Variants in SLC35F4 observed in about 807,000 individuals in gnomAD.
SLC35F4 encodes the protein solute carrier family 35 member F4.
A neutral mutation model predicts 44.2 loss-of-function variants in SLC35F4; 24 were observed. That is an observed-to-expected ratio of 0.54 (90% CI 0.39 to 0.76). The LOEUF is 0.76. Ranked by LOEUF, SLC35F4 falls within the 30% of genes least tolerant of loss-of-function variation. The pLI is 0.00. For synonymous variants in SLC35F4, 238 were observed against 223.6 expected, an observed-to-expected ratio of 1.06 and a Z score of -0.57; for missense variants, 562 against 586.1, an observed-to-expected ratio of 0.96 and a Z score of 0.42.
At chr14:57,650,135 G>T (rs1277059164) in intron 1 of SLC35F4, among the ~76,000 whole-genome samples, 1 of 151,978 alleles carries the variant, frequency 6.6e-6, no homozygotes, top group African/African-American at 2.4e-5. Context: ...CCCGAGGTCT[G>T]GTCCAGGGTC....
At chr14:57,833,174 TATC>T (rs1884557711) in intron 1 of SLC35F4, among the ~76,000 whole-genome samples, 1 of 152,210 alleles carries the variant, frequency 6.6e-6, no homozygotes, top group Admixed American at 6.5e-5. Context: ...TCATCCTTGT[TATC>T]ATCTAATCGC....
intron 1 of SLC35F4, among the ~76,000 whole-genome samples, chr14:57,721,080 T>C (rs2076077018): frequency 1.4e-5 from 2 of 145,152 alleles, no homozygotes; most frequent in African/African-American, 5.0e-5. Flanking sequence ...TAGAGAACCA[T>C]GAGTAATACA....
chr14:57,923,546 T>C lies in SLC35F4; in HGVS notation n.282+58367A>G, dbSNP rs569652420. ...ATAGCTGAAGTCCCTGTCTCAACTT[T>C]CTTGAAATCTATGAAGGAAATCCAA... On this transcript the variant is annotated intron_variant and non_coding_transcript_variant, in intron 1 of 1. Coordinates refer to the SLC35F4 transcript ENST00000556568. Among the ~76,000 whole-genome samples the C allele has an allele frequency of 5.9e-5, 9 of 152,336 alleles. No homozygotes were observed. The South Asian group carries it at 1.9e-3, about 32-fold the overall frequency.
chr14:57,668,286 T>C (rs1328378962), intron 1 of SLC35F4, among the ~76,000 whole-genome samples: 3 of 150,814 alleles, frequency 2.0e-5, no homozygotes, highest in Non-Finnish European at 1.5e-5. Context: ...AGGTTGCCTG[T>C]TCACTCTGAT....
At chr14:57,858,932 C>CT (rs34217010) in intron 1 of SLC35F4, among the ~76,000 whole-genome samples, 5,492 of 137,600 alleles carry the variant, frequency 0.04, 288 homozygotes, top group African/African-American at 0.12. Context: ...AACCTGATCT[C>CT]TAAAAAAAAA....
chr14:57,730,705 T>A (rs767894021), intron 1 of SLC35F4, among the ~76,000 whole-genome samples: 2 of 152,168 alleles, frequency 1.3e-5, no homozygotes, highest in Admixed American at 6.5e-5. Context: ...AGCAATACAG[T>A]GTGCATTATT....
At chr14:57,759,873 TTTGC>T (rs780167936) in intron 1 of SLC35F4, among the ~76,000 whole-genome samples, 10 of 138,032 alleles carry the variant, frequency 7.2e-5, no homozygotes, top group African/African-American at 1.2e-4. Flanking sequence ...TTGCTCTTTC[TTTGC>T]TTGTTTTTTT....
intron 1 of SLC35F4, among the ~76,000 whole-genome samples, chr14:57,715,087 T>G (rs756509388): frequency 6.6e-6 from 1 of 151,916 alleles, no homozygotes; most frequent in Admixed American, 6.6e-5. Flanking sequence ...CGAGTAAAGA[T>G]GGAAATGATT....
At chr14:57,965,271 C>T (rs1890417137) in intron 1 of SLC35F4, among the ~76,000 whole-genome samples, 1 of 152,112 alleles carries the variant, frequency 6.6e-6, no homozygotes, top group African/African-American at 2.4e-5. Context: ...GTTCCTTCCT[C>T]CAAATCTTCA....
chr14:57,922,330 C>T (rs982527401), intron 1 of SLC35F4, among the ~76,000 whole-genome samples: 4 of 152,198 alleles, frequency 2.6e-5, no homozygotes, highest in Non-Finnish European at 5.9e-5. Context: ...CATATCACTA[C>T]TTTCCCCTTC....
chr14:57,661,241 T>A lies in SLC35F4; in HGVS notation c.104-67117A>T, dbSNP rs1349176389. Among the ~76,000 whole-genome samples the A allele has an allele frequency of 2.6e-5, 4 of 152,212 alleles. No individual in the cohort carries two copies. In the East Asian group the frequency reaches 5.8e-4, roughly 22 times the overall value. On this transcript the variant is annotated intron_variant, in intron 1 of 7. Coordinates refer to ENST00000556826, the MANE Select transcript of SLC35F4 (RefSeq NM_001306087.2). The stretch of plus-strand genomic sequence containing the variant: ...TCACCTCCAAATTAATCAAGAGTTG[T>A]GGGGCACACAACTAATCATTGGTAT...
intron 1 of SLC35F4, among the ~76,000 whole-genome samples, chr14:57,662,552 G>A (rs2074171604): frequency 6.6e-6 from 1 of 152,046 alleles, no homozygotes; most frequent in Non-Finnish European, 1.5e-5. Flanking sequence ...ACTTCCCTTT[G>A]GCTTCTTTGT....
intron 1 of SLC35F4, among the ~76,000 whole-genome samples, chr14:57,649,233 C>T (rs552165035): frequency 6.6e-6 from 1 of 152,274 alleles, no homozygotes; most frequent in Admixed American, 6.5e-5. Flanking sequence ...GCGGCTGTAA[C>T]AAATTACCAA....
chr14:57,743,080 G>C (rs1017254933), intron 1 of SLC35F4, among the ~76,000 whole-genome samples: 2 of 152,196 alleles, frequency 1.3e-5, no homozygotes, highest in African/African-American at 2.4e-5. Context: ...GCAGTATGCA[G>C]AGGGAAATTT....
At chr14:57,925,499 G>GGAAGGA (rs1566930948) in intron 1 of SLC35F4, among the ~76,000 whole-genome samples, 3,260 of 15,734 alleles carry the variant, frequency 0.21, 88 homozygotes, top group Non-Finnish European at 0.24. Flanking sequence ...GGAAGGAAGG[G>GGAAGGA]AGGGAGGGAG....
intron 1 of SLC35F4, among the ~76,000 whole-genome samples, chr14:57,770,774 C>T (rs1318954196): frequency 1.3e-5 from 2 of 152,140 alleles, no homozygotes; most frequent in Admixed American, 6.5e-5. Context: ...TTTTTCTAAT[C>T]CAGTCAATGC....
intron 1 of SLC35F4, among the ~76,000 whole-genome samples, chr14:57,663,203 G>A (rs116883456): frequency 3.6e-4 from 55 of 152,180 alleles, no homozygotes; most frequent in South Asian, 2.3e-3. Context: ...CAGTTTTACC[G>A]TATAGATGTA....
chr14:57,621,653 T>C (rs1049945690), intron 1 of SLC35F4, among the ~76,000 whole-genome samples: 11 of 152,184 alleles, frequency 7.2e-5, no homozygotes, highest in Non-Finnish European at 1.0e-4. Context: ...TTATACCTTA[T>C]ACAAAAATTA....
intron 1 of SLC35F4, among the ~76,000 whole-genome samples, chr14:57,643,515 C>T (rs1336300285): frequency 1.3e-5 from 2 of 152,020 alleles, no homozygotes; most frequent in Non-Finnish European, 1.5e-5. Flanking sequence ...GCAAAACGGG[C>T]TTAAATAATT....
Sources: gnomAD v4.1 joint callset for allele counts (sites outside exome capture counted in the v4.1 genomes callset) on GRCh38, gnomAD v4.1.1 for gene constraint, MANE v1.5 for transcripts, NCBI Gene and HGNC (gene_info 2026-07-23, HGNC 2026-07-21) for gene names.